The following STEAP3 variants were observed in gnomAD, a reference collection of about 807,000 sequenced individuals.
The protein encoded by STEAP3 is STEAP3 metalloreductase.
Under a neutral mutation model 34.9 loss-of-function variants are expected in STEAP3, and 35 were observed. That is an observed-to-expected ratio of 1.00 (90% CI 0.76 to 1.33). STEAP3 has a LOEUF of 1.33. Ranked by LOEUF, STEAP3 falls within the 40% of genes most tolerant of loss-of-function variation. The pLI, the probability that STEAP3 is intolerant of heterozygous loss-of-function variation, is 0.00. For missense variants in STEAP3, 652 were observed against 667.6 expected (o/e 0.98, Z 0.26); for synonymous variants, 281 against 301.6 (o/e 0.93, Z 0.71).
intron 5 of STEAP3, among the ~76,000 whole-genome samples, chr2:119,258,322 T>C (rs956971117): frequency 6.6e-6 from 1 of 152,136 alleles, no homozygotes; most frequent in South Asian, 2.1e-4. Context: ...AGCAAGGTAT[T>C]TATGACCTGT....
intron 2 of STEAP3, chr2:119,244,717 A>T (rs764653970): frequency 6.6e-6 from 1 of 152,080 alleles, no homozygotes; most frequent in Non-Finnish European, 1.5e-5. Context: ...TAATTTTTCC[A>T]TCCAAGTTTA....
chr2:119,258,360 C>T (rs968195432), intron 5 of STEAP3, among the ~76,000 whole-genome samples: 5 of 152,070 alleles, frequency 3.3e-5, no homozygotes, highest in Admixed American at 6.6e-5. Context: ...TATGTCATCC[C>T]GTGACTAGCA....
chr2:119,231,156 C>A (rs115782689), intron 2 of STEAP3, 122 bp downstream of exon 2: 12 of 1,298,396 alleles, frequency 9.2e-6, no homozygotes, highest in Non-Finnish European at 1.3e-5. Flanking sequence ...CCAGGAGGTC[C>A]GAGGAACTCG....
intron 5 of STEAP3, among the ~76,000 whole-genome samples, chr2:119,255,261 C>T (rs762165055): frequency 1.3e-5 from 2 of 152,048 alleles, no homozygotes; most frequent in Admixed American, 6.6e-5. Flanking sequence ...GCGAGCCTAG[C>T]CCACCACCCT....
intron 2 of STEAP3, among the ~76,000 whole-genome samples, chr2:119,240,048 A>G (rs1476100209): frequency 6.6e-6 from 1 of 152,214 alleles, no homozygotes; most frequent in Non-Finnish European, 1.5e-5. Flanking sequence ...ATTGAAAATA[A>G]GTAGCTGGAC....
chr2:119,229,914 AG>A (rs1412104254), intron 1 of STEAP3, among the ~76,000 whole-genome samples: 1 of 150,212 alleles, frequency 6.7e-6, no homozygotes, highest in Non-Finnish European at 1.5e-5. Context: ...CCCTGCCCAC[AG>A]GGGCTTTCAC....
intron 4 of STEAP3, 60 bp downstream of exon 4, chr2:119,248,266 C>A (rs1465313650): frequency 1.7e-5 from 23 of 1,380,018 alleles, no homozygotes; most frequent in Non-Finnish European, 2.0e-5. Flanking sequence ...CCAGCACCTC[C>A]CCCCCCCACC....
chr2:119,234,468 C>T (rs377737570), intron 2 of STEAP3, among the ~76,000 whole-genome samples: 6 of 152,354 alleles, frequency 3.9e-5, no homozygotes, highest in African/African-American at 1.4e-4. Context: ...CCTGGGCAAA[C>T]TAAAGCCCTC....
At chr2:119,251,967 C>T (rs1573570896) in intron 4 of STEAP3, among the ~76,000 whole-genome samples, 4 of 152,102 alleles carry the variant, frequency 2.6e-5, no homozygotes, top group South Asian at 4.2e-4. Flanking sequence ...ACTTCATACC[C>T]GACTCAGAGG....
chr2:119,257,404 T>A, intron 5 of STEAP3: 1 of 1,422,552 alleles, frequency 7.0e-7, no homozygotes, highest in Non-Finnish European at 9.2e-7. Context: ...GGGATGGCTC[T>A]GGCAATCTAT....
At chr2:119,249,956 A>G (rs1191638957) in intron 4 of STEAP3, among the ~76,000 whole-genome samples, 1 of 152,138 alleles carries the variant, frequency 6.6e-6, no homozygotes, top group East Asian at 1.9e-4. Context: ...TTCGTACACC[A>G]CTGTGAATTC....
intron 2 of STEAP3, chr2:119,239,510 G>T: frequency 6.6e-6 from 1 of 152,424 alleles, no homozygotes; most frequent in Non-Finnish European, 1.5e-5. Context: ...TTTCACTTGT[G>T]GCTTGCTGAG....
At chr2:119,247,482 G>A (rs189535758) in intron 3 of STEAP3, among the ~76,000 whole-genome samples, 197 bp from the exon 4 acceptor site, 2 of 152,192 alleles carry the variant, frequency 1.3e-5, no homozygotes, top group African/African-American at 4.8e-5. Context: ...GCCAGAGGCT[G>A]GGAGGCCTGG....
intron 2 of STEAP3, among the ~76,000 whole-genome samples, chr2:119,233,258 G>A (rs114079317): frequency 0.023 from 3,501 of 152,336 alleles, 132 homozygotes; most frequent in African/African-American, 0.08. Flanking sequence ...ATACCAGGCT[G>A]CACCTCAATG....
chr2:119,257,951 T>G (rs1216719786), intron 5 of STEAP3, among the ~76,000 whole-genome samples: 1 of 152,202 alleles, frequency 6.6e-6, no homozygotes, highest in African/African-American at 2.4e-5. Context: ...AAAGCAAGTT[T>G]ATTAAGAAAG....
intron 5 of STEAP3, among the ~76,000 whole-genome samples, chr2:119,258,001 C>T (rs80239767): frequency 0.074 from 11,341 of 152,246 alleles, 436 homozygotes; most frequent in Middle Eastern, 0.12. Flanking sequence ...GTCAGAGCAG[C>T]GGCATGGCTG....
intron 2 of STEAP3, among the ~76,000 whole-genome samples, chr2:119,236,994 G>A (rs1376520959): frequency 6.6e-6 from 1 of 152,226 alleles, no homozygotes; most frequent in Non-Finnish European, 1.5e-5. Context: ...CTTGTCCAGA[G>A]GTCACGGGGC....
intron 5 of STEAP3, among the ~76,000 whole-genome samples, chr2:119,259,594 G>C (rs1677881075): frequency 6.6e-6 from 1 of 152,220 alleles, no homozygotes; most frequent in Admixed American, 6.5e-5. Context: ...TGGTGGGCCT[G>C]GGAGCAGCGT....
At chr2:119,259,310 C>T (rs961509636) in intron 5 of STEAP3, among the ~76,000 whole-genome samples, 3 of 152,192 alleles carry the variant, frequency 2.0e-5, no homozygotes, top group African/African-American at 4.8e-5. Flanking sequence ...TCTTATTAAT[C>T]GCCTCATGAC....
Sources: allele counts gnomAD v4.1 joint callset (sites outside exome capture counted in the v4.1 genomes callset), GRCh38; gene constraint gnomAD v4.1.1; transcripts MANE v1.5; gene names NCBI Gene and HGNC (gene_info 2026-07-23, HGNC 2026-07-21).